SUGCT: variants seen among roughly 807,000 people sequenced by gnomAD.
The protein encoded by SUGCT is succinyl-CoA:glutarate-CoA transferase.
SUGCT carries 41 observed loss-of-function variants against 55.0 expected under a neutral mutation model. That is an observed-to-expected ratio of 0.74 (90% CI 0.58 to 0.97). SUGCT has a LOEUF of 0.97. SUGCT is among the 50% of genes least tolerant of loss of function. SUGCT has a pLI of 0.00. For synonymous variants in SUGCT, 187 were observed against 200.4 expected (o/e 0.93, Z 0.56); for missense variants, 568 against 547.8 (o/e 1.04, Z -0.37).
intron 12 of SUGCT, among the ~76,000 whole-genome samples, chr7:40,639,987 G>C (rs1800197537): frequency 6.6e-6 from 1 of 152,136 alleles, no homozygotes; most frequent in Admixed American, 6.5e-5. Flanking sequence ...GAATTAGAAA[G>C]CTATGAAGAT....
chr7:40,916,046 ACT>A, the SUGCT span, among the ~76,000 whole-genome samples: 338 of 98,904 alleles, frequency 3.4e-3, no homozygotes, highest in East Asian at 0.012. Flanking sequence ...GATGTGGGAC[ACT>A]CTCTCTCTCT....
chr7:40,838,185 T>C (rs998766477), intron 13 of SUGCT, among the ~76,000 whole-genome samples: 34 of 152,218 alleles, frequency 2.2e-4, no homozygotes, highest in African/African-American at 8.0e-4. Flanking sequence ...TAGAATAGAA[T>C]GAATCTTCCT....
chr7:40,737,373 T>G (rs1020253064), intron 12 of SUGCT, among the ~76,000 whole-genome samples: 22 of 152,278 alleles, frequency 1.4e-4, no homozygotes, highest in African/African-American at 4.8e-4. Flanking sequence ...GCCTAACAGA[T>G]GTACATATAC....
chr7:40,360,099 C>T (rs934491851), intron 9 of SUGCT, among the ~76,000 whole-genome samples: 9 of 152,204 alleles, frequency 5.9e-5, no homozygotes, highest in African/African-American at 7.2e-5. Flanking sequence ...CTGCAACCTC[C>T]GCCTGCCAGG....
intron 13 of SUGCT, among the ~76,000 whole-genome samples, chr7:40,808,680 C>T (rs1171956072): frequency 6.6e-6 from 1 of 152,142 alleles, no homozygotes; most frequent in African/African-American, 2.4e-5. Flanking sequence ...ATAAGTTGCC[C>T]CATTCCCTGC....
At chr7:40,173,483 A>G (rs1208153538) in intron 1 of SUGCT, among the ~76,000 whole-genome samples, 2 of 152,156 alleles carry the variant, frequency 1.3e-5, no homozygotes, top group African/African-American at 4.8e-5. Flanking sequence ...CTCCCATACA[A>G]TGGGAGGGGA....
chr7:40,944,169 T>C, the SUGCT span, among the ~76,000 whole-genome samples: 14 of 152,150 alleles, frequency 9.2e-5, no homozygotes, highest in African/African-American at 3.4e-4. Flanking sequence ...CATTGTAGAT[T>C]CTGGATATTA....
chr7:41,018,379 C>G, the SUGCT span, among the ~76,000 whole-genome samples: 1 of 152,130 alleles, frequency 6.6e-6, no homozygotes, highest in Non-Finnish European at 1.5e-5. Context: ...TCTCACTTCT[C>G]TCTTTCCTCA....
intron 12 of SUGCT, among the ~76,000 whole-genome samples, chr7:40,711,005 A>G (rs1045541320): frequency 3.9e-5 from 6 of 152,204 alleles, no homozygotes; most frequent in Non-Finnish European, 8.8e-5. Context: ...GAGTTGGTTG[A>G]TATACACTTA....
In SUGCT at chr7:40,150,405, A is replaced by C. The variant is rs1788498119; in HGVS notation, c.100+15285A>C. On this transcript the variant is annotated intron_variant, in intron 1 of 13. Transcript: ENST00000335693. ...CTCGCTGGGCCGGGCACGGTGGCTC[A>C]CGCCTGTAATCCCAGCACTTTGGGA... 2.6e-5 allele frequency among the ~76,000 whole-genome samples: 4 copies of C among 152,118 alleles called. No homozygotes were observed. In the South Asian group the frequency reaches 8.3e-4, roughly 31 times the overall value.
At chr7:40,237,211 A>C (rs1448343368) in intron 6 of SUGCT, among the ~76,000 whole-genome samples, 1 of 150,892 alleles carries the variant, frequency 6.6e-6, no homozygotes, top group East Asian at 2.1e-4. Flanking sequence ...TGGGAGGCTG[A>C]GGCAGGTGGA....
At chr7:40,830,174 G>A in intron 13 of SUGCT, among the ~76,000 whole-genome samples, 1 of 152,104 alleles carries the variant, frequency 6.6e-6, no homozygotes, top group East Asian at 1.9e-4. Flanking sequence ...CTGCTCTGCT[G>A]ACCACAGTCA....
chr7:40,420,294 G>A (rs148846811), intron 9 of SUGCT, among the ~76,000 whole-genome samples: 3 of 152,120 alleles, frequency 2.0e-5, no homozygotes, highest in Admixed American at 6.6e-5. Context: ...ATCATGTTAT[G>A]CAAGTTGCTT....
intron 9 of SUGCT, among the ~76,000 whole-genome samples, chr7:40,399,920 G>A (rs2151319433): frequency 6.6e-6 from 1 of 152,182 alleles, no homozygotes; most frequent in Admixed American, 6.5e-5. Context: ...GTGGTGATAT[G>A]TGGCTGTAAT....
chr7:40,324,229 ATAT>A (rs1385115189), intron 9 of SUGCT, among the ~76,000 whole-genome samples: 1 of 111,574 alleles, frequency 9.0e-6, no homozygotes, highest in East Asian at 2.7e-4. Flanking sequence ...AGATGATCAT[ATAT>A]ATAAATAAAT....
intron 9 of SUGCT, among the ~76,000 whole-genome samples, chr7:40,366,365 A>G (rs559365091): frequency 8.9e-4 from 135 of 152,326 alleles, no homozygotes; most frequent in African/African-American, 2.9e-3. Flanking sequence ...CGAGGACTAC[A>G]TGTCTAAAAC....
In SUGCT at chr7:40,764,974, A is replaced by G. The variant is rs1363781968; in HGVS notation, c.1153+15477A>G. On this transcript the variant is annotated intron_variant, in intron 13 of 13. Transcript: ENST00000335693. ...CTTTGTGCTTATGGTATCTCAAGTT[A>G]TAATCAGAATGGTATAGTGGGGTTT... Among the ~76,000 whole-genome samples, 9 of 152,308 alleles carry G rather than the reference A, an allele frequency of 5.9e-5. No individual in the cohort carries two copies. The East Asian group carries it at 1.7e-3, about 29-fold the overall frequency.
At position 40,568,113 on chromosome 7, in the gene SUGCT, C is replaced by G. The variant is rs370539211; in HGVS notation, c.1089+71727C>G. Among the ~76,000 whole-genome samples the G allele has an allele frequency of 5.3e-5, 8 of 152,188 alleles. No homozygotes were observed. In the East Asian group the frequency reaches 1.5e-3, roughly 29 times the overall value. ...AAGGATAAGTGGTAGAGGCAAGAAC[C>G]TAAGTTCTGCATTTCTTTTCTTTTA... On this transcript the variant is annotated intron_variant, in intron 12 of 13. Transcript: ENST00000335693.
chr7:40,658,371 A>G (rs1801132413), intron 12 of SUGCT, among the ~76,000 whole-genome samples: 1 of 152,120 alleles, frequency 6.6e-6, no homozygotes, highest in Non-Finnish European at 1.5e-5. Flanking sequence ...AGATGACTCC[A>G]TAAGTTTCTG....
Sources: allele counts gnomAD v4.1 joint callset (sites outside exome capture counted in the v4.1 genomes callset), GRCh38; gene constraint gnomAD v4.1.1; transcripts MANE v1.5; gene names NCBI Gene and HGNC (gene_info 2026-07-23, HGNC 2026-07-21).